PCDH7: variants seen among roughly 807,000 people sequenced by gnomAD.
PCDH7 encodes the protein protocadherin-7.
PCDH7 carries 17 observed loss-of-function variants against 58.9 expected under a neutral mutation model. The observed-to-expected ratio is 0.29, with a 90% CI of 0.20 to 0.43. The LOEUF (loss-of-function observed/expected upper bound fraction) is 0.43, where lower values mean the gene tolerates loss of function less well. Ranked by LOEUF, PCDH7 falls within the 20% of genes least tolerant of loss-of-function variation. The probability of loss-of-function intolerance (pLI) is 1.00; values close to 1 mark genes in which losing one functional copy is unlikely to be tolerated. For synonymous variants in PCDH7, 664 were observed against 616.4 expected (o/e 1.08, Z -1.14); for missense variants, 1,274 against 1,441.0 (o/e 0.88, Z 1.88).
At chr4:31,045,972 A>C (rs1756251146) in intron 3 of PCDH7, among the ~76,000 whole-genome samples, 1 of 152,006 alleles carries the variant, frequency 6.6e-6, no homozygotes, top group Non-Finnish European at 1.5e-5. Flanking sequence ...CCTTTTATTA[A>C]GATGCTGTGC....
chr4:30,925,003 A>C (rs142920648), intron 2 of PCDH7, among the ~76,000 whole-genome samples: 1 of 152,186 alleles, frequency 6.6e-6, no homozygotes, highest in East Asian at 1.9e-4. Flanking sequence ...TGATTTTCTC[A>C]GATCTTTAAA....
At chr4:30,944,081 A>G (rs1312078620) in intron 2 of PCDH7, among the ~76,000 whole-genome samples, 1 of 152,138 alleles carries the variant, frequency 6.6e-6, no homozygotes, top group Non-Finnish European at 1.5e-5. Context: ...TCAAAACTCC[A>G]GGACTCAAAA....
chr4:30,742,042 T>C (rs916368129), intron 1 of PCDH7, among the ~76,000 whole-genome samples: 1 of 152,208 alleles, frequency 6.6e-6, no homozygotes, highest in African/African-American at 2.4e-5. Context: ...TGAGTCTTTG[T>C]ATTCATTCAG....
chr4:31,061,128 A>C (rs1382090901), intron 3 of PCDH7, among the ~76,000 whole-genome samples: 2 of 151,724 alleles, frequency 1.3e-5, no homozygotes, highest in East Asian at 1.9e-4. Context: ...TTTCTATGGG[A>C]TATGAAATTC....
At chr4:31,141,580 A>G (rs1313121905) in intron 3 of PCDH7, among the ~76,000 whole-genome samples, 1 of 152,224 alleles carries the variant, frequency 6.6e-6, no homozygotes, top group Non-Finnish European at 1.5e-5. Context: ...CATACAGGTA[A>G]TTATTAACTG....
chr4:30,809,663 A>G (rs916744575), intron 1 of PCDH7, among the ~76,000 whole-genome samples: 2 of 152,204 alleles, frequency 1.3e-5, no homozygotes, highest in Non-Finnish European at 2.9e-5. Flanking sequence ...CTCCAGCCCT[A>G]CGTCATTCTG....
intron 3 of PCDH7, among the ~76,000 whole-genome samples, chr4:31,005,459 T>C (rs373329829): frequency 6.3e-4 from 96 of 152,216 alleles, no homozygotes; most frequent in Admixed American, 2.2e-3. Context: ...GATCAACAGA[T>C]CAGCTGGAAA....
At chr4:30,734,315 C>A (rs924667342), downstream of PCDH7, among the ~76,000 whole-genome samples, 1 of 151,880 alleles carries the variant, frequency 6.6e-6, no homozygotes, top group Non-Finnish European at 1.5e-5. Flanking sequence ...TCACTGCAAC[C>A]TCTGCCTCCC....
chr4:30,738,955 T>G (rs548873769), intron 1 of PCDH7, among the ~76,000 whole-genome samples: 1 of 151,888 alleles, frequency 6.6e-6, no homozygotes, highest in African/African-American at 2.4e-5. Flanking sequence ...TCTGAGTGAC[T>G]CTTCACGATT....
In PCDH7 at chr4:30,721,169, C is replaced by T. The variant is rs375954148; in HGVS notation, c.-254C>T. ...CGGCAGGCGAGCGGGCGATTAGCACCCATTGCATGAATTATGAAACAATAA... is the reference window on the plus strand; with the variant it reads ...CGGCAGGCGAGCGGGCGATTAGCACTCATTGCATGAATTATGAAACAATAA... On this transcript the variant is annotated 5_prime_UTR_variant, in exon 1 of 2. Transcript: ENST00000361762. This position sits in a 1 kb window ranked among gnomAD's most constrained non-coding sequence, Gnocchi z 6.7. 1 of 507,550 alleles carries T rather than the reference C, an allele frequency of 2.0e-6. No individual in the cohort carries two copies. The allele number at this position is 507,550 out of a possible 1,614,324, so 31.4% of individuals were successfully genotyped here. A position where few individuals can be genotyped will look rare whatever the true frequency, so the allele number is the denominator to read the frequency against.
chr4:31,091,390 A>G (rs932869060), intron 3 of PCDH7, among the ~76,000 whole-genome samples: 6 of 151,884 alleles, frequency 4.0e-5, no homozygotes, highest in Non-Finnish European at 7.4e-5. Flanking sequence ...CTTTTATAGA[A>G]ATATATTAAA....
chr4:30,921,282 A>G (rs934684360), intron 2 of PCDH7, among the ~76,000 whole-genome samples: 1 of 152,116 alleles, frequency 6.6e-6, no homozygotes, highest in African/African-American at 2.4e-5. Context: ...AAGGAATCAC[A>G]CACATTTTAT....
chr4:30,812,573 T>G (rs1011249095), intron 1 of PCDH7, among the ~76,000 whole-genome samples: 1 of 152,152 alleles, frequency 6.6e-6, no homozygotes, highest in Admixed American at 6.5e-5. Context: ...TGAATTCTGT[T>G]AAGCTATTTT....
chr4:31,115,967 G>A (rs1416495394), intron 3 of PCDH7, among the ~76,000 whole-genome samples: 1 of 152,080 alleles, frequency 6.6e-6, no homozygotes, highest in East Asian at 1.9e-4. Context: ...TATTTGCAAA[G>A]AATTTAGAAA....
chr4:30,781,793 C>T (rs1722832215), intron 1 of PCDH7, among the ~76,000 whole-genome samples: 1 of 151,900 alleles, frequency 6.6e-6, no homozygotes, highest in Admixed American at 6.6e-5. Flanking sequence ...GCCTCATCCT[C>T]CCAAAGTGCT....
intron 2 of PCDH7, among the ~76,000 whole-genome samples, chr4:30,944,649 T>C (rs1746457052): frequency 6.6e-6 from 1 of 152,178 alleles, no homozygotes; most frequent in African/African-American, 2.4e-5. Context: ...TTTTCCGTTA[T>C]TTTACAAACT....
At chr4:30,799,965 C>T (rs539188335) in intron 1 of PCDH7, among the ~76,000 whole-genome samples, 5 of 151,786 alleles carry the variant, frequency 3.3e-5, no homozygotes, top group African/African-American at 9.7e-5. Context: ...GCGATTCTTC[C>T]GCCTCAGCCT....
At chr4:31,070,330 C>T (rs374557522) in intron 3 of PCDH7, among the ~76,000 whole-genome samples, 10 of 152,094 alleles carry the variant, frequency 6.6e-5, no homozygotes, top group Non-Finnish European at 1.0e-4. Context: ...ATTATTTAGA[C>T]GGACATCTGA....
At chr4:30,753,873 GA>G (rs1468477913) in intron 1 of PCDH7, among the ~76,000 whole-genome samples, 1 of 152,082 alleles carries the variant, frequency 6.6e-6, no homozygotes, top group Admixed American at 6.6e-5. Context: ...TATTGGAAGA[GA>G]AAAACATTAC....
Sources: allele counts gnomAD v4.1 joint callset (sites outside exome capture counted in the v4.1 genomes callset), GRCh38; gene constraint gnomAD v4.1.1; non-coding constraint Gnocchi (gnomAD v3.1); transcripts MANE v1.5; gene names NCBI Gene and HGNC (gene_info 2026-07-23, HGNC 2026-07-21).